Variants in MGLL observed in about 807,000 individuals in gnomAD.
The protein encoded by MGLL is monoglyceride lipase, also known as lysophospholipase homolog.
In MGLL, 7 loss-of-function variants were observed where a neutral mutation model predicts 29.1. The ratio of observed to expected loss-of-function variants is 0.24; its 90% CI spans 0.14 to 0.45. MGLL has a LOEUF of 0.45. MGLL is among the 20% of genes least tolerant of loss of function. The probability of loss-of-function intolerance (pLI) is 0.99; values close to 1 mark genes in which losing one functional copy is unlikely to be tolerated. For synonymous variants in MGLL, 148 were observed against 168.3 expected (o/e 0.88, Z 0.93); for missense variants, 356 against 413.6 (o/e 0.86, Z 1.21).
chr3:127,801,806 T>G (rs1240542186), intron 2 of MGLL, among the ~76,000 whole-genome samples: 2 of 148,006 alleles, frequency 1.4e-5, no homozygotes, highest in East Asian at 3.9e-4. Context: ...TCATATATTT[T>G]ATAATATAAA....
At chr3:127,748,920 T>C (rs1343524779) in intron 3 of MGLL, among the ~76,000 whole-genome samples, 2 of 152,194 alleles carry the variant, frequency 1.3e-5, no homozygotes, top group Admixed American at 1.3e-4. Flanking sequence ...CTTGGAATGA[T>C]GCCCACCTCT....
At chr3:127,807,258 C>T (rs1216898725) in intron 2 of MGLL, among the ~76,000 whole-genome samples, 1 of 152,110 alleles carries the variant, frequency 6.6e-6, no homozygotes, top group Admixed American at 6.5e-5. Flanking sequence ...TATTAGCACA[C>T]AATTGTTTAT....
intron 2 of MGLL, among the ~76,000 whole-genome samples, chr3:127,790,506 G>C (rs2077281844): frequency 1.3e-5 from 2 of 152,172 alleles, no homozygotes; most frequent in Non-Finnish European, 2.9e-5. Flanking sequence ...CTCCCACTGT[G>C]ACCTCATGGC....
chr3:127,754,233 C>T (rs2076615346), intron 3 of MGLL, among the ~76,000 whole-genome samples: 1 of 152,190 alleles, frequency 6.6e-6, no homozygotes, highest in Non-Finnish European at 1.5e-5. Flanking sequence ...CCGCCCACTC[C>T]CCACCAAGCT....
At chr3:127,817,465 A>G (rs1489123011) in intron 2 of MGLL, among the ~76,000 whole-genome samples, 2 of 152,220 alleles carry the variant, frequency 1.3e-5, no homozygotes, top group Non-Finnish European at 2.9e-5. Flanking sequence ...CGGTGGATGG[A>G]CTAGCACTGA....
intron 3 of MGLL, among the ~76,000 whole-genome samples, chr3:127,777,430 C>T (rs2077054673): frequency 6.6e-6 from 1 of 152,222 alleles, no homozygotes; most frequent in East Asian, 1.9e-4. Context: ...AATTACAGTT[C>T]CTGCCTCCCT....
intron 3 of MGLL, among the ~76,000 whole-genome samples, chr3:127,747,862 G>T (rs2076477997): frequency 6.6e-6 from 1 of 152,146 alleles, no homozygotes; most frequent in African/African-American, 2.4e-5. Flanking sequence ...AGACTCCTGA[G>T]CCTGCACAAA....
chr3:127,695,032 G>A lies in MGLL; in HGVS notation c.759C>T (p.Asp253=). ...LLQGSADRLC[D]SKGAYLLMEL... ...CCATGAGCAGGTAGGCCCCTTTGCTGTCACATAGGCGATCGGCAGAGCCCT... is the reference window on the plus strand; with the variant it reads ...CCATGAGCAGGTAGGCCCCTTTGCTATCACATAGGCGATCGGCAGAGCCCT... The change falls in exon 7 of 8, where the codon GAC becomes GAT. Residue 253 remains aspartate, a synonymous_variant. Transcript: ENST00000265052. The A allele has an allele frequency of 6.2e-7, 1 of 1,614,126 alleles. No individual in the cohort carries two copies.
chr3:127,758,658 A>G (rs2076706184), intron 3 of MGLL, among the ~76,000 whole-genome samples: 3 of 152,190 alleles, frequency 2.0e-5, no homozygotes, highest in Admixed American at 2.0e-4. Flanking sequence ...CCGAGCGAGG[A>G]GAATGGGGGA....
Position 127,781,907 on chromosome 3 carries a change from A to C in MGLL, c.156-12T>G. The stretch of plus-strand genomic sequence containing the variant: ...CAAAGATGAGGGCCCTGCAGAGACA[A>C]GAAGGGAGCCTGGTTAGGAAAGCCC... On this transcript the variant is annotated splice_polypyrimidine_tract_variant and intron_variant, in intron 2 of 7. Transcript: ENST00000265052. The C allele has an allele frequency of 6.2e-7, 1 of 1,613,544 alleles. No homozygotes were observed. The highest frequency in any genetic ancestry group is 8.5e-7 in the Non-Finnish European group (1 of 1,179,614).
At chr3:127,821,599 G>A in intron 2 of MGLL, 95 bp downstream of exon 2, 1 of 1,445,802 alleles carries the variant, frequency 6.9e-7, no homozygotes, top group Non-Finnish European at 9.7e-7. Flanking sequence ...CATAGAGAAA[G>A]CGGCCCCGCC....
intron 5 of MGLL, among the ~76,000 whole-genome samples, chr3:127,717,854 C>A (rs1338167421): frequency 6.6e-6 from 1 of 152,148 alleles, no homozygotes; most frequent in African/African-American, 2.4e-5. Context: ...AGCTGGGGGG[C>A]CACAGTTCCA....
intron 3 of MGLL, among the ~76,000 whole-genome samples, chr3:127,762,641 G>A (rs1485435956): frequency 6.6e-6 from 1 of 152,184 alleles, no homozygotes; most frequent in Non-Finnish European, 1.5e-5. Flanking sequence ...CTTGTACAAT[G>A]AGAAAGGGAG....
At chr3:127,713,762 T>C (rs3773142) in intron 5 of MGLL, 39,510 of 152,244 alleles carry the variant, frequency 0.26, 5,295 homozygotes, top group Middle Eastern at 0.5. Context: ...CTTACCTTCA[T>C]CCTTGAACAT....
At chr3:127,751,327 C>A (rs937901345) in intron 3 of MGLL, among the ~76,000 whole-genome samples, 1 of 151,758 alleles carries the variant, frequency 6.6e-6, no homozygotes, top group Non-Finnish European at 1.5e-5. Context: ...GTGACTCACT[C>A]GGACCAACAC....
At position 127,821,688 on chromosome 3, in the gene MGLL, A is replaced by G; in HGVS notation, c.155+6T>C. Reference sequence around the variant, plus strand: ...CACCTGGGGTGACTTTCTGGGGAAGACTTACTTGGGTGTGCCTGTGGGTTT... The same window carrying G: ...CACCTGGGGTGACTTTCTGGGGAAGGCTTACTTGGGTGTGCCTGTGGGTTT... On this transcript the variant is annotated splice_donor_region_variant and intron_variant, in intron 2 of 7. Coordinates refer to ENST00000265052, the MANE Select transcript of MGLL (RefSeq NM_007283.7). The G allele has an allele frequency of 6.2e-7, 1 of 1,614,032 alleles. No individual in the cohort carries two copies. The highest frequency in any genetic ancestry group is 8.5e-7 in the Non-Finnish European group (1 of 1,179,972).
intron 2 of MGLL, among the ~76,000 whole-genome samples, chr3:127,814,003 CTTCCTTCCTTCCTTCT>C (rs1391091434): frequency 6.6e-6 from 1 of 151,522 alleles, no homozygotes; most frequent in African/African-American, 2.4e-5. Context: ...TCTCTCCCTC[CTTCCTTCCTTCCTTCT>C]TTCCTTCCTT....
Position 127,726,198 on chromosome 3 carries a change from GA to G in MGLL, c.263-3633del, listed in dbSNP as rs1282736094. Among the ~76,000 whole-genome samples the G allele has an allele frequency of 4.2e-5, 5 of 119,744 alleles. 1 individual carries two copies. The highest frequency in any genetic ancestry group is 9.0e-5 in the Non-Finnish European group (5 of 55,294). The allele number at this position is 119,744 out of a possible 152,430, so 78.6% of individuals were successfully genotyped here. On this transcript the variant is annotated intron_variant, in intron 3 of 7. Transcript: ENST00000265052. ...AAAGAAAGAAAGAAAAGAAAAGAAAGAAAGAAAGACAGAAGGAAGGAAAGAG... is the reference window on the plus strand; with the variant it reads ...AAAGAAAGAAAGAAAAGAAAAGAAAGAAGAAAGACAGAAGGAAGGAAAGAG...
chr3:127,744,702 C>T (rs891364174), intron 3 of MGLL, among the ~76,000 whole-genome samples: 2 of 152,184 alleles, frequency 1.3e-5, no homozygotes, highest in African/African-American at 4.8e-5. Context: ...CAAAGAATTG[C>T]TTGAGGCAAA....
Sources: gnomAD v4.1 joint callset for allele counts (sites outside exome capture counted in the v4.1 genomes callset) on GRCh38, gnomAD v4.1.1 for gene constraint, MANE v1.5 for transcripts, NCBI Gene and HGNC (gene_info 2026-07-23, HGNC 2026-07-21) for gene names.